The following XG variants were observed in gnomAD, a reference collection of about 807,000 sequenced individuals.
XG encodes the protein glycoprotein Xg.
Under a neutral mutation model 25.7 loss-of-function variants are expected in XG, and 24 were observed. The observed-to-expected ratio is 0.93, with a 90% CI of 0.68 to 1.31. The LOEUF is 1.31. Ranked by LOEUF, XG falls within the 40% of genes most tolerant of loss-of-function variation. The probability of loss-of-function intolerance (pLI) is 0.00; values close to 1 mark genes in which losing one functional copy is unlikely to be tolerated. For missense variants in XG, 181 were observed against 187.6 expected (o/e 0.96, Z 0.21); for synonymous variants, 77 against 69.2 (o/e 1.11, Z -0.56).
intron 1 of XG, among the ~76,000 whole-genome samples, chrX:2,765,008 T>C (rs1186521353): frequency 8.1e-6 from 1 of 123,314 alleles, no homozygotes; most frequent in Non-Finnish European, 1.6e-5. Context: ...GCCATTGCAC[T>C]GCAGCCTGGG....
rs2087102406 is a variant in XG, at chrX:2,816,092, A to T, written c.*1712A>T. The T allele has an allele frequency of 8.9e-6, 1 of 112,021 alleles. No individual in the cohort carries two copies. The highest frequency in any genetic ancestry group is 9.5e-5 in the Admixed American group (1 of 10,510). The allele number at this position is 112,021 out of a possible 1,213,427, so 9.2% of individuals were successfully genotyped here. ...CTATGAACATATGAAATACATAGTT[A>T]CCTAATCATGAGACTAAATTCACCT... On this transcript the variant is annotated 3_prime_UTR_variant, in exon 11 of 11. Coordinates refer to ENST00000644266, the MANE Select transcript of XG (RefSeq NM_001141919.2).
chrX:2,801,907 C>A (rs1569044816), intron 7 of XG, among the ~76,000 whole-genome samples: 1 of 109,891 alleles, frequency 9.1e-6, no homozygotes, highest in Non-Finnish European at 1.9e-5. Flanking sequence ...CGGGGTTTCA[C>A]CGTGTTAGCC....
intron 6 of XG, among the ~76,000 whole-genome samples, chrX:2,794,990 A>T (rs1362266580): frequency 9.0e-6 from 1 of 111,227 alleles, no homozygotes; most frequent in Non-Finnish European, 1.9e-5. Context: ...ATGTATCTTT[A>T]TATTTGTGTG....
At chrX:2,773,302 G>C (rs776229920) in intron 2 of XG, among the ~76,000 whole-genome samples, 4 of 141,962 alleles carry the variant, frequency 2.8e-5, no homozygotes, top group African/African-American at 5.3e-5. Context: ...GAATGAAGGA[G>C]GAAGGGAAGA....
chrX:2,775,397 T>G (rs1363096694), intron 3 of XG, among the ~76,000 whole-genome samples: 5 of 152,186 alleles, frequency 3.3e-5, no homozygotes, highest in Non-Finnish European at 7.3e-5. Flanking sequence ...ATAATGTATA[T>G]TTTTATGAAG....
intron 7 of XG, among the ~76,000 whole-genome samples, chrX:2,804,545 G>A (rs1431846398): frequency 9.0e-6 from 1 of 111,283 alleles, no homozygotes; most frequent in Non-Finnish European, 1.9e-5. Context: ...AAAGCGAGCC[G>A]TCCCCACACC....
intron 2 of XG, among the ~76,000 whole-genome samples, chrX:2,772,814 C>T (rs912489266): frequency 3.3e-5 from 5 of 152,208 alleles, no homozygotes; most frequent in Admixed American, 6.5e-5. Flanking sequence ...CCTGCAAACA[C>T]ATCTTTGAAT....
At chrX:2,774,161 C>T (rs922196466) in intron 2 of XG, among the ~76,000 whole-genome samples, 11 of 152,094 alleles carry the variant, frequency 7.2e-5, no homozygotes, top group African/African-American at 2.7e-4. Flanking sequence ...TGGCCGACTC[C>T]ACCTCCTTTG....
intron 4 of XG, among the ~76,000 whole-genome samples, chrX:2,783,836 A>G (rs1160256789): frequency 3.6e-5 from 4 of 112,238 alleles, no homozygotes; most frequent in African/African-American, 6.5e-5. Flanking sequence ...TTAGCTGGGC[A>G]TGGTGGCATG....
chrX:2,793,219 A>G (rs1270301654), intron 5 of XG, among the ~76,000 whole-genome samples: 6 of 111,881 alleles, frequency 5.4e-5, no homozygotes, highest in African/African-American at 2.0e-4. Context: ...CTCAATCAGC[A>G]TGTTTCCTAC....
At chrX:2,770,782 T>C (rs985734880) in intron 2 of XG, among the ~76,000 whole-genome samples, 191 bp downstream of exon 2, 11 of 152,158 alleles carry the variant, frequency 7.2e-5, no homozygotes, top group African/African-American at 2.4e-4. Flanking sequence ...CTCAGACTCA[T>C]TTCTTGGTAG....
At chrX:2,752,846 A>G (rs2050363234) in intron 1 of XG, 1 of 841,454 alleles carries the variant, frequency 1.2e-6, no homozygotes, top group South Asian at 5.5e-5. Flanking sequence ...CATTCTTGCA[A>G]ATTAAAACCA....
At chrX:2,773,011 A>C (rs1295073840) in intron 2 of XG, among the ~76,000 whole-genome samples, 2 of 133,560 alleles carry the variant, frequency 1.5e-5, no homozygotes, top group African/African-American at 5.4e-5. Context: ...GTGTATCACT[A>C]TTTTAAAAAA....
rs751959103 is a variant in XG at position 2,767,880 on chromosome X, G to A, written c.62-2670G>A. On this transcript the variant is annotated intron_variant, in intron 1 of 10. Transcript: ENST00000644266. ...ACGGCCTCGTGTGTGTGAGTCACGC[G>A]TGCAGCAACTTCTGGCTGTAGTGCA... 3.9e-5 allele frequency among the ~76,000 whole-genome samples: 6 copies of A among 152,284 alleles called. No individual in the cohort carries two copies. The East Asian group carries it at 9.7e-4, about 25-fold the overall frequency.
intron 4 of XG, among the ~76,000 whole-genome samples, chrX:2,787,262 G>C (rs1332440390): frequency 1.8e-5 from 2 of 110,758 alleles, no homozygotes; most frequent in Non-Finnish European, 3.8e-5. Flanking sequence ...AAGAAGAGGA[G>C]ATGAGGACAC....
Position 2,794,587 on chromosome X carries a change from G to A in XG, c.306G>A (p.Arg102=), listed in dbSNP as rs1228600975. 2 of 1,209,834 alleles carry A rather than the reference G, an allele frequency of 1.7e-6. No homozygotes were observed. The highest frequency in any genetic ancestry group is 3.5e-5 in the African/African-American group (2 of 57,356). Residue 102 remains arginine (R), a synonymous_variant, in exon 6 of 11, where the codon AGG becomes AGA. Coordinates refer to ENST00000644266, the MANE Select transcript of XG (RefSeq NM_001141919.2). The part of the protein sequence containing the change: ...RDDGRYPPRP[R]PRPPAGGGGG... ...ACGGACGCTACCCGCCCAGGCCCAG[G>A]CCACGGCCGCCTGCAGGTAGGTGCC...
intron 3 of XG, among the ~76,000 whole-genome samples, chrX:2,780,409 C>A (rs868317600): frequency 8.2e-6 from 1 of 122,528 alleles, no homozygotes; most frequent in African/African-American, 2.9e-5. Flanking sequence ...AACAATTGGG[C>A]TTTTTTTTTT....
At chrX:2,758,093 A>G (rs2050477423) in intron 1 of XG, among the ~76,000 whole-genome samples, 1 of 151,760 alleles carries the variant, frequency 6.6e-6, no homozygotes, top group Non-Finnish European at 1.5e-5. Flanking sequence ...CGTCTCAGTT[A>G]TATTTTTCTT....
Position 2,789,704 on chromosome X carries a change from G to C in XG, c.251G>C (p.Gly84Ala). 2 of 1,050,454 alleles carry C rather than the reference G, an allele frequency of 1.9e-6. No individual in the cohort carries two copies. Among genetic ancestry groups the C allele is most frequent in the Non-Finnish European group, 2.5e-6 (2 of 800,595 alleles). 86.6% of individuals were successfully genotyped at this position (1,050,454 alleles called of 1,213,427 possible). The change falls in exon 5 of 11, where the codon GGA (glycine) becomes GCA (alanine). Residue 84 changes from glycine to alanine, a missense_variant and splice_region_variant. Physicochemically the swap from Gly to Ala is moderately conservative, Grantham distance 60. Transcript: ENST00000644266. ...QPQPGNSGNS[G>A]GYFNDVDRDD... is the part of the protein sequence containing the mutation. ...CAGCCTGGCAATTCCGGCAACAGTG[G>C]AGGTAATGAGTATTTATTTATTTAT... is the stretch of plus-strand genomic sequence containing the variant.
Sources: gnomAD v4.1 joint callset for allele counts (sites outside exome capture counted in the v4.1 genomes callset) on GRCh38, gnomAD v4.1.1 for gene constraint, MANE v1.5 for transcripts, NCBI Gene and HGNC (gene_info 2026-07-23, HGNC 2026-07-21) for gene names.